The following PRSS23 variants were observed in gnomAD, a reference collection of about 807,000 sequenced individuals.
The protein encoded by PRSS23 is protease, serine 23.
Under a neutral mutation model 34.7 loss-of-function variants are expected in PRSS23, and 25 were observed. The ratio of observed to expected loss-of-function variants is 0.72; its 90% CI spans 0.53 to 1.01. PRSS23 has a LOEUF of 1.01. Ranked by LOEUF, PRSS23 falls within the 50% of genes least tolerant of loss-of-function variation. The pLI is 0.00. For missense variants in PRSS23, 445 were observed against 475.6 expected (o/e 0.94, Z 0.60); for synonymous variants, 176 against 186.6 (o/e 0.94, Z 0.46).
chr11:86,914,218 T>C (rs990389178), intron 2 of PRSS23, among the ~76,000 whole-genome samples: 1 of 151,872 alleles, frequency 6.6e-6, no homozygotes, highest in Non-Finnish European at 1.5e-5. Flanking sequence ...AGAGTGAGAC[T>C]CCATCTCAAA....
In PRSS23 at chr11:86,808,883, C is replaced by CGT. The variant is rs35433370; in HGVS notation, c.*113_*114dup. On this transcript the variant is annotated 3_prime_UTR_variant, in exon 2 of 2. Transcript: ENST00000280258. ...TTGTTTTTTGTCATTGGCGTGCACA[C>CGT]GTGTGTGTGTGTGTGTGTGTGTGTG... 23,943 of 882,690 alleles carry CGT rather than the reference C, an allele frequency of 0.027. 629 individuals are homozygous for CGT. The highest frequency in any genetic ancestry group is 0.15 in the African/African-American group (8,878 of 58,290). The allele number at this position is 882,690 out of a possible 1,614,324, so 54.7% of individuals were successfully genotyped here. A position where few individuals can be genotyped will look rare whatever the true frequency, so the allele number is the denominator to read the frequency against.
chr11:86,893,658 T>C (rs376812217), intron 2 of PRSS23, among the ~76,000 whole-genome samples: 3 of 152,350 alleles, frequency 2.0e-5, no homozygotes, highest in South Asian at 2.1e-4. Context: ...TGGATAGATA[T>C]AGATATATAC....
At chr11:86,925,351 G>A (rs1949074496) in intron 2 of PRSS23, among the ~76,000 whole-genome samples, 1 of 151,670 alleles carries the variant, frequency 6.6e-6, no homozygotes, top group African/African-American at 2.4e-5. Flanking sequence ...TTATATGCAT[G>A]CCCTAGTCTG....
chr11:86,894,790 T>C (rs528046042), intron 2 of PRSS23, among the ~76,000 whole-genome samples: 350 of 152,320 alleles, frequency 2.3e-3, no homozygotes, highest in African/African-American at 8.1e-3. Flanking sequence ...TAAACTCTCA[T>C]GTCCCTTGAT....
chr11:86,935,022 T>A, intron 2 of PRSS23: 1 of 152,232 alleles, frequency 6.6e-6, no homozygotes, highest in East Asian at 1.9e-4. Flanking sequence ...ATTTCCTATA[T>A]AATCTGATAA....
At chr11:86,871,592 C>T (rs931636727) in intron 2 of PRSS23, among the ~76,000 whole-genome samples, 2 of 152,204 alleles carry the variant, frequency 1.3e-5, no homozygotes, top group Non-Finnish European at 2.9e-5. Flanking sequence ...CAGAGAACTG[C>T]AATCTCTTCC....
intron 2 of PRSS23, among the ~76,000 whole-genome samples, chr11:86,879,220 C>G (rs1177019621): frequency 1.4e-5 from 2 of 147,622 alleles, no homozygotes; most frequent in Non-Finnish European, 3.0e-5. Flanking sequence ...ATGTGGGGAG[C>G]GCCTCTGCCC....
At chr11:86,868,509 C>A (rs1296190432) in intron 2 of PRSS23, among the ~76,000 whole-genome samples, 1 of 152,166 alleles carries the variant, frequency 6.6e-6, no homozygotes, top group Admixed American at 6.5e-5. Flanking sequence ...CCTAGCCCCA[C>A]AAGGCACTGG....
chr11:86,899,841 A>G (rs1264142601), intron 2 of PRSS23, among the ~76,000 whole-genome samples: 1 of 152,050 alleles, frequency 6.6e-6, no homozygotes, highest in African/African-American at 2.4e-5. Flanking sequence ...TTAAAAAAAA[A>G]AAAAATACTA....
chr11:86,805,263 G>A (rs1457046189), intron 1 of PRSS23, among the ~76,000 whole-genome samples: 1 of 152,140 alleles, frequency 6.6e-6, no homozygotes, highest in Non-Finnish European at 1.5e-5. Flanking sequence ...TGACTCCTTA[G>A]CCAGTAGGTG....
intron 2 of PRSS23, among the ~76,000 whole-genome samples, chr11:86,902,362 T>C (rs944563509): frequency 6.6e-5 from 10 of 152,188 alleles, no homozygotes; most frequent in African/African-American, 2.4e-4. Context: ...GGACTAGGCA[T>C]TGGTACTTAA....
At chr11:86,872,106 C>T (rs1285081410) in intron 2 of PRSS23, among the ~76,000 whole-genome samples, 4 of 152,160 alleles carry the variant, frequency 2.6e-5, no homozygotes, top group Non-Finnish European at 4.4e-5. Flanking sequence ...TCAACTCTTT[C>T]TTGTGTCAAA....
chr11:86,844,412 A>C (rs1219108367), intron 2 of PRSS23, among the ~76,000 whole-genome samples: 1 of 20,998 alleles, frequency 4.8e-5, no homozygotes, highest in South Asian at 1.5e-3. Context: ...AAAGTATAAT[A>C]AAAAAAAAAT....
chr11:86,905,117 G>A (rs1320384968), intron 2 of PRSS23, among the ~76,000 whole-genome samples: 1 of 152,172 alleles, frequency 6.6e-6, no homozygotes, highest in Non-Finnish European at 1.5e-5. Context: ...TGTTGGGCTT[G>A]ATCTACCCTA....
intron 2 of PRSS23, among the ~76,000 whole-genome samples, chr11:86,870,236 A>ATT (rs34828230): frequency 7.0e-5 from 10 of 142,106 alleles, no homozygotes; most frequent in Admixed American, 2.9e-4. Flanking sequence ...AGAGATGGTG[A>ATT]TTTTTTTTTT....
At chr11:86,819,999 A>G (rs1420283051) in intron 1 of PRSS23, among the ~76,000 whole-genome samples, 6 of 152,228 alleles carry the variant, frequency 3.9e-5, no homozygotes, top group South Asian at 2.1e-4. Flanking sequence ...TCTTACCACA[A>G]TGAATTATAA....
rs114953654 is a variant in PRSS23 at position 86,847,368 on chromosome 11, A to G, written c.206+23775A>G. Among the ~76,000 whole-genome samples the G allele has an allele frequency of 6.7e-3, 1,020 of 152,342 alleles. 20 individuals carry two copies. Among genetic ancestry groups the G allele is most frequent in the African/African-American group, 0.023 (966 of 41,566 alleles). On this transcript the variant is annotated intron_variant, in intron 2 of 2. Coordinates refer to the PRSS23 transcript ENST00000533902. ...GGTTGGATGTATTGGCAGAAGGACC[A>G]TAATAAATCCAACAGTCCTTGTGCC...
At chr11:86,907,422 T>A (rs775669566) in intron 2 of PRSS23, among the ~76,000 whole-genome samples, 13 of 152,180 alleles carry the variant, frequency 8.5e-5, no homozygotes, top group Middle Eastern at 3.2e-3. Flanking sequence ...GGAACTTTTT[T>A]AAAATTGTGG....
At chr11:86,807,572 C>T (rs1948115997) in intron 1 of PRSS23, 59 bp from the exon 2 acceptor site, 2 of 1,425,590 alleles carry the variant, frequency 1.4e-6, no homozygotes, top group Non-Finnish European at 1.9e-6. Context: ...GCTTTGCTGT[C>T]TGCAGTAAAT....
Sources: gnomAD v4.1 joint callset for allele counts (sites outside exome capture counted in the v4.1 genomes callset) on GRCh38, gnomAD v4.1.1 for gene constraint, MANE v1.5 for transcripts, NCBI Gene and HGNC (gene_info 2026-07-23, HGNC 2026-07-21) for gene names.